The following PTPRA variants were observed in gnomAD, a reference collection of about 807,000 sequenced individuals.
PTPRA encodes the protein receptor-type tyrosine-protein phosphatase alpha.
A neutral mutation model predicts 104.8 loss-of-function variants in PTPRA; 25 were observed. The ratio of observed to expected loss-of-function variants is 0.24; its 90% CI spans 0.17 to 0.33. The LOEUF (loss-of-function observed/expected upper bound fraction) is 0.33, where lower values mean the gene tolerates loss of function less well. PTPRA is among the 10% of genes least tolerant of loss of function. The pLI is 1.00. For missense variants in PTPRA, 765 were observed against 1,015.3 expected, an observed-to-expected ratio of 0.75 and a Z score of 3.35; for synonymous variants, 323 against 368.9, an observed-to-expected ratio of 0.88 and a Z score of 1.43.
intron 2 of PTPRA, among the ~76,000 whole-genome samples, chr20:2,943,607 C>G (rs2147693119): frequency 6.6e-6 from 1 of 152,288 alleles, no homozygotes; most frequent in South Asian, 2.1e-4. Context: ...TGTGGCCCAA[C>G]CAAATTAACA....
chr20:3,004,293 C>T (rs2063761711), intron 9 of PTPRA, among the ~76,000 whole-genome samples: 1 of 152,250 alleles, frequency 6.6e-6, no homozygotes, highest in Admixed American at 6.5e-5. Flanking sequence ...GCTGGGATTA[C>T]AGGCGTGAGC....
chr20:2,995,497 T>C (rs2063361986), intron 9 of PTPRA, among the ~76,000 whole-genome samples: 1 of 152,212 alleles, frequency 6.6e-6, no homozygotes, highest in South Asian at 2.1e-4. Context: ...GTGTGGGCAA[T>C]GCAGGCTGGG....
intron 6 of PTPRA, among the ~76,000 whole-genome samples, chr20:2,975,639 C>T (rs1346011266): frequency 2.0e-5 from 3 of 152,054 alleles, no homozygotes; most frequent in Admixed American, 1.3e-4. Context: ...AATGTCAACC[C>T]TTTGTGGCTT....
At chr20:2,892,307 A>G (rs1195472478) in intron 1 of PTPRA, among the ~76,000 whole-genome samples, 1 of 151,804 alleles carries the variant, frequency 6.6e-6, no homozygotes, top group Non-Finnish European at 1.5e-5. Context: ...AAAAAAAAAA[A>G]AAAGAAGAGA....
chr20:2,922,331 T>TTTTA (rs1055511876), intron 1 of PTPRA, among the ~76,000 whole-genome samples: 3 of 151,896 alleles, frequency 2.0e-5, no homozygotes, highest in African/African-American at 2.4e-5. Context: ...AATAGGGCTG[T>TTTTA]TTTATTGATT....
intron 5 of PTPRA, among the ~76,000 whole-genome samples, chr20:2,965,502 AG>A (rs1487771141): frequency 1.3e-5 from 2 of 152,216 alleles, no homozygotes; most frequent in Non-Finnish European, 2.9e-5. Context: ...TGACGATGCA[AG>A]AGACTGAAGA....
intron 5 of PTPRA, among the ~76,000 whole-genome samples, chr20:2,967,860 CAAA>C (rs2062003476): frequency 6.6e-6 from 1 of 152,122 alleles, no homozygotes; most frequent in African/African-American, 2.4e-5. Flanking sequence ...GACCATGTCT[CAAA>C]AAAGTTATTG....
chr20:3,013,157 C>CT (rs11481694), intron 11 of PTPRA, among the ~76,000 whole-genome samples: 16,553 of 152,112 alleles, frequency 0.11, 2,201 homozygotes, highest in African/African-American at 0.31. Context: ...TCTCACCCCC[C>CT]GGCCATCACT....
At chr20:2,870,792 G>A (rs552612963), upstream of PTPRA, among the ~76,000 whole-genome samples, 560 of 152,302 alleles carry the variant, frequency 3.7e-3, 4 homozygotes, top group African/African-American at 0.013. Context: ...GGGTGGCTGC[G>A]AAATGCCTAC....
chr20:2,887,071 T>C (rs1415154079), intron 1 of PTPRA, among the ~76,000 whole-genome samples: 1 of 152,180 alleles, frequency 6.6e-6, no homozygotes, highest in Non-Finnish European at 1.5e-5. Context: ...TTGGTTATGA[T>C]AGCATTAAAA....
intron 1 of PTPRA, among the ~76,000 whole-genome samples, chr20:2,880,555 A>T (rs767503753): frequency 2.4e-4 from 37 of 152,358 alleles, no homozygotes; most frequent in Non-Finnish European, 4.4e-4. Context: ...ATACAAGCAC[A>T]AGCAAACAAG....
chr20:2,943,906 C>T (rs904940020), intron 2 of PTPRA, among the ~76,000 whole-genome samples: 4 of 152,018 alleles, frequency 2.6e-5, no homozygotes, highest in Admixed American at 2.0e-4. Flanking sequence ...AAAATATTTT[C>T]GTATCCATTT....
chr20:2,947,034 C>G (rs965532841), intron 2 of PTPRA, among the ~76,000 whole-genome samples: 1 of 152,054 alleles, frequency 6.6e-6, no homozygotes, highest in Non-Finnish European at 1.5e-5. Context: ...ACAGGAGCTG[C>G]TTTCTCTCTC....
At chr20:2,936,919 C>T (rs1200881896) in intron 2 of PTPRA, among the ~76,000 whole-genome samples, 1 of 151,576 alleles carries the variant, frequency 6.6e-6, no homozygotes, top group Non-Finnish European at 1.5e-5. Context: ...TTCTGTTTCC[C>T]CTTTCCTGTT....
the PTPRA span, among the ~76,000 whole-genome samples, chr20:2,868,112 C>G: frequency 6.6e-6 from 1 of 152,112 alleles, no homozygotes; most frequent in South Asian, 2.1e-4. Flanking sequence ...GGGACCTTAG[C>G]TGGGGTGGTC....
chr20:3,004,996 G>A, intron 9 of PTPRA, 60 bp from the exon 10 acceptor site: 1 of 1,446,024 alleles, frequency 6.9e-7, no homozygotes, highest in Non-Finnish European at 9.7e-7. Context: ...TGGTGCAGCA[G>A]TTTGCATGTT....
rs560401096 is a variant in PTPRA, at chr20:2,883,133, C to T, written c.-129+9373C>T. ...CTGAGTAGCTGGGACTACAGGCATG[C>T]ACCACCATGCCCAGCTAATTTTGCA... On this transcript the variant is annotated intron_variant, in intron 1 of 23. Coordinates refer to ENST00000399903, the MANE Select transcript of PTPRA (RefSeq NM_001385305.1). 3.3e-5 allele frequency among the ~76,000 whole-genome samples: 5 copies of T among 152,062 alleles called. No individual in the cohort carries two copies. The South Asian group carries it at 1.0e-3, about 32-fold the overall frequency.
At chr20:2,926,613 G>A (rs1316904963) in intron 2 of PTPRA, among the ~76,000 whole-genome samples, 2 of 152,008 alleles carry the variant, frequency 1.3e-5, no homozygotes, top group Non-Finnish European at 2.9e-5. Flanking sequence ...ACACAATTCA[G>A]TCTGGGTGAC....
chr20:2,979,128 G>A (rs986748646), intron 6 of PTPRA, among the ~76,000 whole-genome samples: 1 of 152,148 alleles, frequency 6.6e-6, no homozygotes, highest in Admixed American at 6.6e-5. Context: ...TTGAACTTCA[G>A]GTCTGTCAGA....
Sources: gnomAD v4.1 joint callset for allele counts (sites outside exome capture counted in the v4.1 genomes callset) on GRCh38, gnomAD v4.1.1 for gene constraint, MANE v1.5 for transcripts, NCBI Gene and HGNC (gene_info 2026-07-23, HGNC 2026-07-21) for gene names.